The following OSTF1 variants were observed in gnomAD, a reference collection of about 807,000 sequenced individuals.
The protein encoded by OSTF1 is osteoclast-stimulating factor 1.
In OSTF1, 27 loss-of-function variants were observed where a neutral mutation model predicts 37.2. The ratio of observed to expected loss-of-function variants is 0.73; its 90% confidence interval spans 0.54 to 1.00. OSTF1 has a LOEUF of 1.00. Ranked by LOEUF, OSTF1 falls within the 50% of genes least tolerant of loss-of-function variation. The pLI, the probability that OSTF1 is intolerant of heterozygous loss-of-function variation, is 0.00. For synonymous variants in OSTF1, 82 were observed against 89.2 expected, an observed-to-expected ratio of 0.92 and a Z score of 0.46; for missense variants, 232 against 253.8, an observed-to-expected ratio of 0.91 and a Z score of 0.58.
intron 6 of OSTF1, 25 bp from the exon 7 acceptor site, chr9:75,134,321 G>A (rs201493574): frequency 6.2e-5 from 81 of 1,303,992 alleles, no homozygotes; most frequent in Non-Finnish European, 8.5e-5. Flanking sequence ...GTTCTTAAAA[G>A]GTATCTTTTC....
At chr9:75,109,690 C>A (rs192711667) in intron 1 of OSTF1, among the ~76,000 whole-genome samples, 1 of 152,128 alleles carries the variant, frequency 6.6e-6, no homozygotes, top group African/African-American at 2.4e-5. Flanking sequence ...TTTCTTCCTA[C>A]GGAAGATGAC....
Position 75,130,606 on chromosome 9 carries a change from C to G in OSTF1, c.161C>G (p.Ser54Cys). ...GATACCAATTGGTGGAAAGGCACCTCCAAAGGCAGGACTGGACTAATTCCA... is the reference window on the plus strand; with the variant it reads ...GATACCAATTGGTGGAAAGGCACCTGCAAAGGCAGGACTGGACTAATTCCA... ...MSDTNWWKGT[S>C]KGRTGLIPSN... The change falls in exon 4 of 10, where the codon TCC becomes TGC. Residue 54 changes from serine (S) to cysteine (C), a missense_variant. Ser to Cys is a moderately radical substitution (Grantham distance 112). Transcript: ENST00000346234. The G allele has an allele frequency of 1.9e-6, 3 of 1,612,316 alleles. No homozygotes were observed. The highest frequency in any genetic ancestry group is 1.7e-6 in the Non-Finnish European group (2 of 1,178,424).
chr9:75,116,111 A>G (rs1016588680), intron 1 of OSTF1, among the ~76,000 whole-genome samples: 1 of 151,782 alleles, frequency 6.6e-6, no homozygotes, highest in African/African-American at 2.4e-5. Context: ...TTCAAATAAT[A>G]ATAATTATTA....
At chr9:75,127,138 A>T (rs949276962) in intron 2 of OSTF1, among the ~76,000 whole-genome samples, 4 of 152,344 alleles carry the variant, frequency 2.6e-5, no homozygotes, top group Admixed American at 1.3e-4. Flanking sequence ...GCAGATGTTG[A>T]TCTTAAAGTG....
chr9:75,092,453 A>T (rs562865317), intron 1 of OSTF1, among the ~76,000 whole-genome samples: 1 of 152,354 alleles, frequency 6.6e-6, no homozygotes, highest in East Asian at 1.9e-4. Context: ...GAGGGTCCTG[A>T]GTCTAATGGG....
At chr9:75,143,688 G>T (rs1057091160) in intron 9 of OSTF1, among the ~76,000 whole-genome samples, 2 of 152,172 alleles carry the variant, frequency 1.3e-5, no homozygotes, top group Non-Finnish European at 2.9e-5. Flanking sequence ...GCTGGTTCTT[G>T]ATTTGAGATA....
intron 1 of OSTF1, among the ~76,000 whole-genome samples, chr9:75,114,401 C>T (rs2118501442): frequency 6.6e-6 from 1 of 152,174 alleles, no homozygotes; most frequent in East Asian, 1.9e-4. Context: ...TATTAAAAAT[C>T]AATTTATCAG....
chr9:75,095,300 G>C (rs1037113828), intron 1 of OSTF1, among the ~76,000 whole-genome samples: 3 of 152,054 alleles, frequency 2.0e-5, no homozygotes, highest in African/African-American at 7.2e-5. Flanking sequence ...TTTCCAAATC[G>C]CTTTTCAAAG....
intron 9 of OSTF1, among the ~76,000 whole-genome samples, chr9:75,142,452 A>G (rs1430200618): frequency 6.6e-6 from 1 of 152,110 alleles, no homozygotes; most frequent in Non-Finnish European, 1.5e-5. Context: ...CCGAAGAGTA[A>G]GGCTTCTTAT....
chr9:75,105,351 C>T (rs189168507), intron 1 of OSTF1, among the ~76,000 whole-genome samples: 4 of 152,292 alleles, frequency 2.6e-5, no homozygotes, highest in Admixed American at 2.6e-4. Context: ...TCGTAGGCCA[C>T]ACGTTGCTCT....
At chr9:75,123,914 A>G (rs1587461175) in intron 2 of OSTF1, among the ~76,000 whole-genome samples, 1 of 152,204 alleles carries the variant, frequency 6.6e-6, no homozygotes. Flanking sequence ...TGTGGCAGAC[A>G]CCACTATTGA....
At chr9:75,137,461 G>A in intron 7 of OSTF1, 77 bp from the exon 8 acceptor site, 1 of 950,588 alleles carries the variant, frequency 1.1e-6, no homozygotes, top group Non-Finnish European at 1.7e-6. Context: ...GGTTTAACTG[G>A]GTTAAACCTG....
chr9:75,128,363 CATATATATATATAT>C (rs1174174895), intron 3 of OSTF1, among the ~76,000 whole-genome samples: 608 of 11,512 alleles, frequency 0.053, 57 homozygotes, highest in South Asian at 0.19. Context: ...GTATGAAAGA[CATATATATATATAT>C]ATATATATAT....
At chr9:75,088,848 GC>G in intron 1 of OSTF1, 122 bp downstream of exon 1, 1 of 926,848 alleles carries the variant, frequency 1.1e-6, no homozygotes, top group East Asian at 2.6e-5. Flanking sequence ...TCCGAGATCG[GC>G]CCCACCGGGA....
intron 7 of OSTF1, among the ~76,000 whole-genome samples, chr9:75,135,874 G>A (rs945682668): frequency 6.6e-6 from 1 of 152,146 alleles, no homozygotes; most frequent in African/African-American, 2.4e-5. Context: ...GCTTTTAGAG[G>A]CCACCCCTCT....
chr9:75,095,950 G>C (rs1054191801), intron 1 of OSTF1, among the ~76,000 whole-genome samples: 1 of 151,498 alleles, frequency 6.6e-6, no homozygotes, highest in Non-Finnish European at 1.5e-5. Context: ...GGAGTGCAGT[G>C]GCGCGATTTC....
chr9:75,088,839 C>T (rs1824869980), intron 1 of OSTF1, 113 bp downstream of exon 1: 5 of 1,021,280 alleles, frequency 4.9e-6, no homozygotes, highest in South Asian at 4.1e-5. Flanking sequence ...AGCCTGGCTT[C>T]CGAGATCGGC....
chr9:75,100,575 C>A (rs140047216), intron 1 of OSTF1, among the ~76,000 whole-genome samples: 2,563 of 152,008 alleles, frequency 0.017, 65 homozygotes, highest in African/African-American at 0.058. Flanking sequence ...ACTAAAAATA[C>A]AAAAATTAGC....
intron 1 of OSTF1, among the ~76,000 whole-genome samples, chr9:75,097,966 T>C (rs1183937792): frequency 6.6e-6 from 1 of 151,700 alleles, no homozygotes; most frequent in Admixed American, 6.6e-5. Context: ...CAAGTGATCC[T>C]CCCACCTTAG....
Sources: gnomAD v4.1 joint callset for allele counts (sites outside exome capture counted in the v4.1 genomes callset) on GRCh38, gnomAD v4.1.1 for gene constraint, MANE v1.5 for transcripts, NCBI Gene and HGNC (gene_info 2026-07-23, HGNC 2026-07-21) for gene names.